RNF19A: variants seen among roughly 807,000 people sequenced by gnomAD.
RNF19A encodes the protein E3 ubiquitin-protein ligase RNF19A.
Under a neutral mutation model 75.7 loss-of-function variants are expected in RNF19A, and 32 were observed. The observed-to-expected ratio is 0.42, with a 90% confidence interval of 0.32 to 0.57. The LOEUF is 0.57. RNF19A is among the 20% of genes least tolerant of loss of function. RNF19A has a pLI of 0.10. For synonymous variants in RNF19A, 335 were observed against 345.2 expected, an observed-to-expected ratio of 0.97 and a Z score of 0.33; for missense variants, 782 against 1,036.3, an observed-to-expected ratio of 0.75 and a Z score of 3.37.
chr8:100,268,942 G>A lies in RNF19A; in HGVS notation c.1034C>T (p.Ser345Leu). 6.4e-7 allele frequency: 1 copy of A among 1,573,370 alleles called. No homozygotes were observed. Among genetic ancestry groups the A allele is most frequent in the Non-Finnish European group, 8.6e-7 (1 of 1,157,964 alleles). The change falls in exon 5 of 10, where the codon TCA becomes TTA. Residue 345 changes from serine (S) to leucine (L), a missense_variant. Physicochemically the swap from Ser to Leu is moderately radical, Grantham distance 145. Transcript: ENST00000341084. ...TTTCTTCCCCCAAAAAGTACATCCT[G>A]ATGGACTAACGGAAAAAATTATAAT... ...EISDLHYLSPSGCTFWGKKPW... is the reference protein window; with the variant it reads ...EISDLHYLSPLGCTFWGKKPW...
At position 100,330,930 on chromosome 8, in the gene RNF19A, T is replaced by C. The variant is rs577028380; in HGVS notation, c.-243+5178A>G. ...GACTGGCTCCAAGGCTCTGAGCTGG[T>C]CTTTCTGAAATCTGACTCCCTTGTA... On this transcript the variant is annotated intron_variant, in intron 1 of 3. Transcript: ENST00000519527. This position sits in a 1 kb window ranked among gnomAD's most constrained non-coding sequence, Gnocchi z 4.1. Among the ~76,000 whole-genome samples the C allele has an allele frequency of 6.6e-6, 1 of 152,228 alleles. No individual in the cohort carries two copies. Among genetic ancestry groups the C allele is most frequent in the Non-Finnish European group, 1.5e-5 (1 of 68,042 alleles).
chr8:100,295,992 C>T (rs1821538252), intron 1 of RNF19A, among the ~76,000 whole-genome samples: 1 of 152,202 alleles, frequency 6.6e-6, no homozygotes, highest in Non-Finnish European at 1.5e-5. Flanking sequence ...TTATGAACCT[C>T]AAATTTAGAA....
chr8:100,323,112 C>CA lies in RNF19A; in HGVS notation c.-242-9741dup, dbSNP rs372756717. 5.4e-3 allele frequency among the ~76,000 whole-genome samples: 823 copies of CA among 151,398 alleles called. 9 individuals are homozygous for CA. The highest frequency in any genetic ancestry group is 0.019 in the African/African-American group (766 of 41,260). On this transcript the variant is annotated intron_variant, in intron 1 of 3. Coordinates refer to the RNF19A transcript ENST00000519527. The surrounding 1 kb of genome is among the most constrained non-coding windows in gnomAD (Gnocchi z 4.6). The stretch of plus-strand genomic sequence containing the variant: ...CCATTTGTAAACAAAAACAAAAAAA[C>CA]AAAAAAAACTGTGAAGTGCAATAAA...
At position 100,317,256 on chromosome 8, in the gene RNF19A, GCTC is replaced by G. The variant is rs1563873465; in HGVS notation, c.-242-3887_-242-3885del. Reference sequence around the variant, plus strand: ...TCACAGTGCAGTGGTGGGCTGAAGGGCTCCTCAAATGCCGCCAAAGTGGGAGCC... The same window carrying G: ...TCACAGTGCAGTGGTGGGCTGAAGGGCTCAAATGCCGCCAAAGTGGGAGCC... On this transcript the variant is annotated intron_variant, in intron 1 of 3. Coordinates refer to the RNF19A transcript ENST00000519527. This position sits in a 1 kb window ranked among gnomAD's most constrained non-coding sequence, Gnocchi z 4.3. Among the ~76,000 whole-genome samples the G allele has an allele frequency of 6.7e-6, 1 of 149,606 alleles. No homozygotes were observed. The highest frequency in any genetic ancestry group is 1.5e-5 in the Non-Finnish European group (1 of 66,926).
chr8:100,283,031 C>T (rs745487132), intron 2 of RNF19A, among the ~76,000 whole-genome samples: 11 of 152,174 alleles, frequency 7.2e-5, no homozygotes, highest in Non-Finnish European at 1.0e-4. Flanking sequence ...TTTTATTGAG[C>T]ATGAGGTTAG....
chr8:100,290,690 T>C (rs1414673652), intron 1 of RNF19A, among the ~76,000 whole-genome samples: 1 of 152,222 alleles, frequency 6.6e-6, no homozygotes, highest in East Asian at 1.9e-4. Context: ...ATGATCAGGA[T>C]ACATTCTGAG....
chr8:100,265,695 T>C (rs1819941219), intron 5 of RNF19A, among the ~76,000 whole-genome samples: 1 of 152,190 alleles, frequency 6.6e-6, no homozygotes, highest in African/African-American at 2.4e-5. Context: ...TAATAACACC[T>C]TTGGCCTTTG....
intron 1 of RNF19A, among the ~76,000 whole-genome samples, chr8:100,300,212 C>T (rs768917394): frequency 5.9e-5 from 9 of 151,936 alleles, no homozygotes; most frequent in Non-Finnish European, 1.2e-4. Flanking sequence ...TAAAAACTCA[C>T]GTACAAAGGA....
At chr8:100,316,102 C>T (rs1001791068) in intron 1 of RNF19A, among the ~76,000 whole-genome samples, 1 of 151,840 alleles carries the variant, frequency 6.6e-6, no homozygotes, top group South Asian at 2.1e-4. Context: ...CTGGTGGGTT[C>T]GTGGTCTCGC....
Position 100,331,440 on chromosome 8 carries a change from A to T in RNF19A, c.-243+4668T>A, listed in dbSNP as rs1822608822. ...TGCTTGAGCCCAGGAGTTTGGGACC[A>T]GCCTGGACAACATGGTGAAACTCCA... is the stretch of plus-strand genomic sequence containing the variant. On this transcript the variant is annotated intron_variant, in intron 1 of 3. Transcript: ENST00000519527. This position sits in a 1 kb window ranked among gnomAD's most constrained non-coding sequence, Gnocchi z 5.2. 1.3e-5 allele frequency among the ~76,000 whole-genome samples: 2 copies of T among 152,072 alleles called. No individual in the cohort carries two copies. Among genetic ancestry groups the T allele is most frequent in the Non-Finnish European group, 2.9e-5 (2 of 67,996 alleles).
intron 1 of RNF19A, among the ~76,000 whole-genome samples, chr8:100,296,128 C>T (rs1586664939): frequency 1.3e-5 from 2 of 151,730 alleles, no homozygotes; most frequent in African/African-American, 2.4e-5. Context: ...TTTTTTGAGA[C>T]GGAGTCTCAA....
chr8:100,288,161 T>C lies in RNF19A; in HGVS notation c.14A>G (p.Glu5Gly). Residue 5 changes from glutamate to glycine, a missense_variant, in exon 2 of 10, where the codon GAA becomes GGA. Transcript: ENST00000341084. MQEQ[E>G]IGFISKYNEG... ...ATTATATTTAGAGATAAAACCTATT[T>C]CTTGTTCTTGCATTCACATTAAGTC... The C allele has an allele frequency of 1.2e-6, 2 of 1,602,506 alleles. No homozygotes were observed. Among genetic ancestry groups the C allele is most frequent in the Non-Finnish European group, 1.7e-6 (2 of 1,173,744 alleles).
At chr8:100,303,622 T>C (rs995796616) in intron 1 of RNF19A, among the ~76,000 whole-genome samples, 2 of 152,120 alleles carry the variant, frequency 1.3e-5, no homozygotes, top group Non-Finnish European at 2.9e-5. Flanking sequence ...ATTTAACGTT[T>C]GTGCATAATT....
upstream of RNF19A, among the ~76,000 whole-genome samples, chr8:100,312,002 T>A (rs1221354074): frequency 1.3e-5 from 2 of 152,184 alleles, no homozygotes; most frequent in Non-Finnish European, 2.9e-5. Context: ...TAGAGGCACC[T>A]CAGATTCAGG....
In RNF19A at chr8:100,259,289, C is replaced by A; in HGVS notation, c.1827-43G>T. 1 of 1,503,106 alleles carries A rather than the reference C, an allele frequency of 6.7e-7. No individual in the cohort carries two copies. Among genetic ancestry groups the A allele is most frequent in the South Asian group, 1.2e-5 (1 of 81,872 alleles). The allele number at this position is 1,503,106 out of a possible 1,614,324, so 93.1% of individuals were successfully genotyped here. A position where few individuals can be genotyped will look rare whatever the true frequency, so the allele number is the denominator to read the frequency against. ...CAAATACAAACATAATTGCTGACTT[C>A]TTTTTGTTCAGATGACTGGGGGAAG... On this transcript the variant is annotated intron_variant, in intron 9 of 9. Coordinates refer to ENST00000341084, the MANE Select transcript of RNF19A (RefSeq NM_183419.4). The surrounding 1 kb of genome is among the most constrained non-coding windows in gnomAD (Gnocchi z 4.5).
At position 100,259,258 on chromosome 8, in the gene RNF19A, G is replaced by A; in HGVS notation, c.1827-12C>T. On this transcript the variant is annotated splice_polypyrimidine_tract_variant and intron_variant, in intron 9 of 9. Coordinates refer to ENST00000341084, the MANE Select transcript of RNF19A (RefSeq NM_183419.4). The surrounding 1 kb of genome is among the most constrained non-coding windows in gnomAD (Gnocchi z 4.5). ...TACTGTTGCCTTCTCTGAAATATAA[G>A]AGTAACAAATACAAACATAATTGCT... 2 of 1,588,838 alleles carry A rather than the reference G, an allele frequency of 1.3e-6. No homozygotes were observed. Among genetic ancestry groups the A allele is most frequent in the South Asian group, 1.1e-5 (1 of 89,020 alleles).
chr8:100,291,443 C>T (rs905439900), intron 1 of RNF19A, among the ~76,000 whole-genome samples: 7 of 152,196 alleles, frequency 4.6e-5, no homozygotes, highest in African/African-American at 1.4e-4. Flanking sequence ...AAGACAAGAA[C>T]CTTTTACCTT....
intron 1 of RNF19A, among the ~76,000 whole-genome samples, chr8:100,319,985 G>A (rs150890540): frequency 0.046 from 6,712 of 147,412 alleles, 451 homozygotes; most frequent in African/African-American, 0.14. Context: ...ACAGGTGCCC[G>A]CCACCATGCC....
At chr8:100,299,930 G>C (rs1050594538) in intron 1 of RNF19A, among the ~76,000 whole-genome samples, 1 of 152,198 alleles carries the variant, frequency 6.6e-6, no homozygotes, top group South Asian at 2.1e-4. Flanking sequence ...ATGAGTAAGG[G>C]GGAGGGAAGA....
Sources: gnomAD v4.1 joint callset for allele counts (sites outside exome capture counted in the v4.1 genomes callset) on GRCh38, gnomAD v4.1.1 for gene constraint, Gnocchi (gnomAD v3.1) non-coding constraint, MANE v1.5 for transcripts, NCBI Gene and HGNC (gene_info 2026-07-23, HGNC 2026-07-21) for gene names.